Variants in PXDN observed in about 807,000 individuals in gnomAD.
PXDN encodes peroxidasin homolog.
PXDN carries 77 observed loss-of-function variants against 140.3 expected under a neutral mutation model. The observed-to-expected ratio is 0.55, with a 90% CI of 0.46 to 0.66. PXDN has a LOEUF of 0.66. PXDN is among the 30% of genes least tolerant of loss of function. The probability of loss-of-function intolerance (pLI) is 0.00; values close to 1 mark genes in which losing one functional copy is unlikely to be tolerated. For missense variants in PXDN, 1,838 were observed against 2,039.5 expected (o/e 0.90, Z 1.90); for synonymous variants, 911 against 857.4 (o/e 1.06, Z -1.09).
chr2:1,677,927 T>G (rs181940149), intron 7 of PXDN, among the ~76,000 whole-genome samples: 60 of 152,308 alleles, frequency 3.9e-4, no homozygotes, highest in African/African-American at 1.1e-3. Flanking sequence ...GGTACGAGTG[T>G]GTGTGTGTGT....
chr2:1,638,727 T>C, intron 21 of PXDN, 119 bp downstream of exon 21: 1 of 1,470,988 alleles, frequency 6.8e-7, no homozygotes, highest in South Asian at 1.2e-5. Flanking sequence ...AGGGTCTGGG[T>C]CCTGTGTGGG....
chr2:1,694,231 C>T (rs1305480411), intron 1 of PXDN, among the ~76,000 whole-genome samples: 2 of 152,100 alleles, frequency 1.3e-5, no homozygotes, highest in African/African-American at 2.4e-5. Context: ...GGTGTTTGGT[C>T]ATTAGGGTAT....
At chr2:1,708,297 G>C (rs1479881726) in intron 1 of PXDN, among the ~76,000 whole-genome samples, 2 of 152,210 alleles carry the variant, frequency 1.3e-5, no homozygotes, top group Admixed American at 6.5e-5. Flanking sequence ...CGCTTTAGCC[G>C]ACAAAGCTCC....
At chr2:1,659,053 T>C (rs1273235446) in intron 14 of PXDN, among the ~76,000 whole-genome samples, 1 of 151,858 alleles carries the variant, frequency 6.6e-6, no homozygotes, top group Non-Finnish European at 1.5e-5. Flanking sequence ...GAGGACAGAG[T>C]CCAGCCCACG....
chr2:1,640,003 TGAG>T (rs1682677967), intron 19 of PXDN, among the ~76,000 whole-genome samples: 1 of 151,634 alleles, frequency 6.6e-6, no homozygotes, highest in Non-Finnish European at 1.5e-5. Context: ...GAGCCCCGGG[TGAG>T]TGAGGGGCCC....
Position 1,648,625 on chromosome 2 carries a change from C to T in PXDN, c.3155G>A (p.Gly1052Asp). ...VGMRTLGEYH[G>D]YDPGINAGIF... ...GCCAGCATTGATGCCGGGGTCGTAG[C>T]CGTGGTACTCTCCCAGCGTCCTCAT... The change falls in exon 17 of 23, where the codon GGC becomes GAC. Residue 1052 changes from glycine to aspartate, a missense_variant. This residue lies in a region of PXDN where 850 missense variants were observed against 894.1 expected (regional missense o/e 0.95). Transcript: ENST00000252804. The surrounding 1 kb of genome is among the most constrained non-coding windows in gnomAD (Gnocchi z 8.9). 1 of 1,612,074 alleles carries T rather than the reference C, an allele frequency of 6.2e-7. No individual in the cohort carries two copies. Among genetic ancestry groups the T allele is most frequent in the Non-Finnish European group, 8.5e-7 (1 of 1,179,390 alleles).
At position 1,633,274 on chromosome 2, in the gene PXDN, AG is replaced by A. The variant is rs1398582958; in HGVS notation, c.*929del. ...AGCCATCCGGAAGCGGCTCTTGTTC[AG>A]GACGTGGACGCAACCAGGGCCGGCT... On this transcript the variant is annotated 3_prime_UTR_variant, in exon 23 of 23. Coordinates refer to ENST00000252804, the MANE Select transcript of PXDN (RefSeq NM_012293.3). The A allele has an allele frequency of 6.6e-6, 1 of 150,448 alleles. No homozygotes were observed. The highest frequency in any genetic ancestry group is 1.5e-5 in the Non-Finnish European group (1 of 67,870). 9.3% of individuals were successfully genotyped at this position (150,448 alleles called of 1,614,324 possible). A position where few individuals can be genotyped will look rare whatever the true frequency, so the allele number is the denominator to read the frequency against.
At chr2:1,662,254 C>G in intron 12 of PXDN, 70 bp from the exon 13 acceptor site, 1 of 1,314,092 alleles carries the variant, frequency 7.6e-7, no homozygotes, top group Non-Finnish European at 1.1e-6. Context: ...AGAACAAAAT[C>G]CCCTGCCCTC....
At chr2:1,668,638 A>G (rs1308098635) in intron 9 of PXDN, among the ~76,000 whole-genome samples, 2 of 151,976 alleles carry the variant, frequency 1.3e-5, no homozygotes, top group East Asian at 3.9e-4. Context: ...AAAGTGGGTT[A>G]AGGATATGAA....
intron 18 of PXDN, among the ~76,000 whole-genome samples, chr2:1,644,405 T>G (rs1682803176): frequency 6.6e-6 from 1 of 152,170 alleles, no homozygotes; most frequent in Admixed American, 6.5e-5. Flanking sequence ...GAACCTGGTG[T>G]GGTTGAGTTT....
intron 19 of PXDN, among the ~76,000 whole-genome samples, chr2:1,640,970 G>A (rs1247017725): frequency 6.6e-6 from 1 of 152,128 alleles, no homozygotes; most frequent in Admixed American, 6.5e-5. Flanking sequence ...CCCAGGGCAC[G>A]GCTGGGCCAC....
rs1682952323 is a variant in PXDN, at chr2:1,649,299, G to A, written c.2481C>T (p.His827=). Reference sequence around the variant, plus strand: ...GGGCCACCACCGTGGAGTCGAGGTCGTGGTCCAGGAACTGGCCCCACTGCA... The same window carrying A: ...GGGCCACCACCGTGGAGTCGAGGTCATGGTCCAGGAACTGGCCCCACTGCA... ...MLMQWGQFLD[H]DLDSTVVALS... is the part of the protein sequence containing the mutation. Residue 827 remains histidine (H), a synonymous_variant, in exon 17 of 23, where the codon CAC becomes CAT. Coordinates refer to ENST00000252804, the MANE Select transcript of PXDN (RefSeq NM_012293.3). The surrounding 1 kb of genome is among the most constrained non-coding windows in gnomAD (Gnocchi z 7.1). 2 of 1,613,608 alleles carry A rather than the reference G, an allele frequency of 1.2e-6. No homozygotes were observed. Among genetic ancestry groups the A allele is most frequent in the African/African-American group, 1.3e-5 (1 of 75,038 alleles).
intron 3 of PXDN, among the ~76,000 whole-genome samples, chr2:1,689,113 A>G (rs1331588370): frequency 6.6e-6 from 1 of 152,136 alleles, no homozygotes; most frequent in Admixed American, 6.5e-5. Context: ...TCTAGGCCGC[A>G]TACGTGGGAA....
At chr2:1,743,665 A>C (rs1429500406) in intron 1 of PXDN, among the ~76,000 whole-genome samples, 3 of 82,000 alleles carry the variant, frequency 3.7e-5, no homozygotes, top group South Asian at 5.0e-4. Context: ...GAGGAGGGGA[A>C]GGGAGGAGGA....
rs1014790183 is a variant in PXDN at position 1,649,790 on chromosome 2, A to C, written c.2105-115T>G. The C allele has an allele frequency of 2.4e-6, 3 of 1,229,206 alleles. No homozygotes were observed. Among genetic ancestry groups the C allele is most frequent in the African/African-American group, 3.0e-5 (2 of 66,892 alleles). The allele number at this position is 1,229,206 out of a possible 1,614,324, so 76.1% of individuals were successfully genotyped here. A position where few individuals can be genotyped will look rare whatever the true frequency, so the allele number is the denominator to read the frequency against. On this transcript the variant is annotated intron_variant, in intron 16 of 22. Transcript: ENST00000252804. This position sits in a 1 kb window ranked among gnomAD's most constrained non-coding sequence, Gnocchi z 7.1. ...GGGCTATCTACCCCCAGCTCATGAA[A>C]CCTGTTGTGCGCCATGCAACAAGCG...
chr2:1,635,098 C>T lies in PXDN; in HGVS notation c.4320+310G>A, dbSNP rs571887807. ...CATGGGTTTCCATGGCATGAGTATT[C>T]CTGCCACAGCTGGTGGGAGGTGAAG... On this transcript the variant is annotated intron_variant, in intron 22 of 22. Transcript: ENST00000252804. 1.1e-4 allele frequency among the ~76,000 whole-genome samples: 16 copies of T among 150,584 alleles called. No individual in the cohort carries two copies. In the East Asian group the frequency reaches 3.1e-3, roughly 29 times the overall value.
intron 4 of PXDN, among the ~76,000 whole-genome samples, chr2:1,686,102 T>A (rs111859966): frequency 1.7e-4 from 26 of 152,186 alleles, no homozygotes; most frequent in African/African-American, 6.3e-4. Flanking sequence ...GGGGAAGGGG[T>A]GCAGTTCGCC....
intron 1 of PXDN, among the ~76,000 whole-genome samples, chr2:1,720,630 T>TCTCTCTCTCTGCATCTCTTC: frequency 6.6e-6 from 1 of 151,786 alleles, no homozygotes; most frequent in South Asian, 2.1e-4. Flanking sequence ...TGCATCTCTT[T>TCTCTCTCTCTGCATCTCTTC]CTCTCTCTCT....
At position 1,680,366 on chromosome 2, in the gene PXDN, T is replaced by G; in HGVS notation, c.561-4A>C. On this transcript the variant is annotated splice_region_variant and splice_polypyrimidine_tract_variant and intron_variant, in intron 6 of 22. Coordinates refer to ENST00000252804, the MANE Select transcript of PXDN (RefSeq NM_012293.3). ...AAGTGTGTTTGAGTCCAGTCGCCTG[T>G]GGGAAGGAAGATGCAGCCGGTGAGA... 3 of 1,613,944 alleles carry G rather than the reference T, an allele frequency of 1.9e-6. No homozygotes were observed. The highest frequency in any genetic ancestry group is 2.5e-6 in the Non-Finnish European group (3 of 1,179,864).
Sources: gnomAD v4.1 joint callset for allele counts (sites outside exome capture counted in the v4.1 genomes callset) on GRCh38, gnomAD v4.1.1 for gene constraint, gnomAD v4.1.1 regional missense constraint, Gnocchi (gnomAD v3.1) non-coding constraint, MANE v1.5 for transcripts, NCBI Gene and HGNC (gene_info 2026-07-23, HGNC 2026-07-21) for gene names.